Variants in LRRC37A2 observed in about 807,000 individuals in gnomAD.
LRRC37A2 encodes the protein leucine rich repeat containing 37 member A2.
In LRRC37A2, 9 loss-of-function variants were observed where a neutral mutation model predicts 68.8. That is an observed-to-expected ratio of 0.13 (90% CI 0.08 to 0.23). LRRC37A2 has a LOEUF of 0.23. Among genes scored for constraint, LRRC37A2 ranks in the 10% least tolerant of loss-of-function variants. LRRC37A2 has a pLI of 1.00. For synonymous variants in LRRC37A2, 63 were observed against 367.6 expected, an observed-to-expected ratio of 0.17 and a Z score of 9.48; for missense variants, 168 against 950.4, an observed-to-expected ratio of 0.18 and a Z score of 10.82.
chr17:47,027,503 C>T, the LRRC37A2 span: 2 of 830,456 alleles, frequency 2.4e-6, no homozygotes, highest in East Asian at 2.5e-5. Context: ...ATTATTCATA[C>T]CAATCAACAT....
At chr17:46,822,805 C>G in the LRRC37A2 span, among the ~76,000 whole-genome samples, 1 of 152,006 alleles carries the variant, frequency 6.6e-6, no homozygotes, top group Non-Finnish European at 1.5e-5. Context: ...GGGGCACCGC[C>G]AGATCCACCC....
chr17:46,935,002 A>C, the LRRC37A2 span: 1 of 1,607,844 alleles, frequency 6.2e-7, no homozygotes, highest in South Asian at 1.1e-5. Context: ...AAGCAAAGTT[A>C]ATCAAGTGCC....
intron 3 of LRRC37A2, among the ~76,000 whole-genome samples, chr17:46,517,643 C>A: frequency 1.2e-4 from 1 of 8,514 alleles, no homozygotes; most frequent in African/African-American, 3.8e-4. Flanking sequence ...TATTTTTTAT[C>A]ATACAAATAG....
At chr17:46,935,590 A>T in the LRRC37A2 span, 1 of 1,080,950 alleles carries the variant, frequency 9.3e-7, no homozygotes, top group Non-Finnish European at 1.1e-6. Context: ...TATAACTAAA[A>T]CCTTTTGTAT....
the LRRC37A2 span, among the ~76,000 whole-genome samples, chr17:46,714,379 G>C: frequency 6.6e-5 from 10 of 152,168 alleles, no homozygotes; most frequent in Non-Finnish European, 1.2e-4. Context: ...GGAAGACAGA[G>C]ATGTATCAAT....
chr17:46,815,127 G>C, the LRRC37A2 span, among the ~76,000 whole-genome samples: 1 of 152,104 alleles, frequency 6.6e-6, no homozygotes, highest in African/African-American at 2.4e-5. Context: ...CTGGAATGTA[G>C]CAGGTGCTGG....
the LRRC37A2 span, chr17:46,876,421 A>C: frequency 6.2e-7 from 1 of 1,613,788 alleles, no homozygotes; most frequent in South Asian, 1.1e-5. Context: ...TGGGCCGCCT[A>C]GAGCTGTGGG....
At chr17:46,610,027 T>TTCTTTCTTTCTTTCTTTC in the LRRC37A2 span, among the ~76,000 whole-genome samples, 11 of 109,536 alleles carry the variant, frequency 1.0e-4, no homozygotes, top group African/African-American at 3.0e-4. Context: ...CTTTCTTTCT[T>TTCTTTCTTTCTTTCTTTC]TCTCTCTCTC....
the LRRC37A2 span, among the ~76,000 whole-genome samples, chr17:46,787,742 T>C: frequency 4.3e-4 from 65 of 152,202 alleles, no homozygotes; most frequent in African/African-American, 1.5e-3. Context: ...TCAACTGAAG[T>C]CAGGAGTTCG....
chr17:46,744,010 AGTGCCTAC>A, the LRRC37A2 span, among the ~76,000 whole-genome samples: 3 of 152,150 alleles, frequency 2.0e-5, no homozygotes, highest in Admixed American at 2.0e-4. Context: ...GGGCCTTGCC[AGTGCCTAC>A]TTGTTGTCAT....
At chr17:46,899,248 A>C in the LRRC37A2 span, among the ~76,000 whole-genome samples, 2 of 152,004 alleles carry the variant, frequency 1.3e-5, no homozygotes, top group East Asian at 3.9e-4. Flanking sequence ...AAATAATAAT[A>C]ATAATAATAG....
chr17:46,755,704 A>G, the LRRC37A2 span: 1 of 1,331,964 alleles, frequency 7.5e-7, no homozygotes. Context: ...TAGGATAACC[A>G]TTAAGAAGCT....
At chr17:46,913,656 G>C in the LRRC37A2 span, among the ~76,000 whole-genome samples, 1 of 152,236 alleles carries the variant, frequency 6.6e-6, no homozygotes, top group Admixed American at 6.5e-5. Flanking sequence ...CCAGTACCGA[G>C]GGCTCTGTCT....
the LRRC37A2 span, among the ~76,000 whole-genome samples, chr17:46,725,115 G>T: frequency 6.6e-6 from 1 of 152,052 alleles, no homozygotes; most frequent in Admixed American, 6.6e-5. Flanking sequence ...ATAGTACAAT[G>T]AATCAATAAT....
At chr17:47,008,112 T>A in the LRRC37A2 span, among the ~76,000 whole-genome samples, 8 of 103,706 alleles carry the variant, frequency 7.7e-5, no homozygotes, top group African/African-American at 2.5e-4. Flanking sequence ...ATTTAATTAA[T>A]TTTTTTTTTT....
intron 2 of LRRC37A2, among the ~76,000 whole-genome samples, chr17:46,516,190 C>A (rs1421319729): frequency 6.7e-6 from 1 of 149,114 alleles, no homozygotes; most frequent in Non-Finnish European, 1.5e-5. Context: ...GGAGTCCCAG[C>A]TACTCGGGAG....
chr17:46,824,523 A>G, the LRRC37A2 span, among the ~76,000 whole-genome samples: 1 of 152,254 alleles, frequency 6.6e-6, no homozygotes, highest in African/African-American at 2.4e-5. Flanking sequence ...TGCTGGGATT[A>G]CAGGCGTAAG....
the LRRC37A2 span, among the ~76,000 whole-genome samples, chr17:46,609,475 ATTTG>A: frequency 6.6e-6 from 1 of 152,026 alleles, no homozygotes; most frequent in Admixed American, 6.5e-5. Context: ...TTTATTAAAT[ATTTG>A]TTCTATGGAA....
chr17:46,951,333 A>G, the LRRC37A2 span, among the ~76,000 whole-genome samples: 4 of 152,296 alleles, frequency 2.6e-5, no homozygotes, highest in South Asian at 8.3e-4. Flanking sequence ...TCATCCACCC[A>G]GAGCCCATTT....
Sources: allele counts gnomAD v4.1 joint callset (sites outside exome capture counted in the v4.1 genomes callset), GRCh38; gene constraint gnomAD v4.1.1; transcripts MANE v1.5; gene names NCBI Gene and HGNC (gene_info 2026-07-23, HGNC 2026-07-21).